ACSM6: variants seen among roughly 807,000 people sequenced by gnomAD.
The protein encoded by ACSM6 is acyl-coenzyme A synthetase ACSM6, mitochondrial.
Under a neutral mutation model 51.1 loss-of-function variants are expected in ACSM6, and 35 were observed. That is an observed-to-expected ratio of 0.69 (90% CI 0.52 to 0.91). ACSM6 has a LOEUF of 0.91. Among genes scored for constraint, ACSM6 ranks in the 40% least tolerant of loss-of-function variants. The pLI is 0.00. For missense variants in ACSM6, 509 were observed against 584.1 expected, an observed-to-expected ratio of 0.87 and a Z score of 1.32; for synonymous variants, 172 against 207.3, an observed-to-expected ratio of 0.83 and a Z score of 1.46.
chr10:95,228,901 TAAA>T, exon 11 of ACSM6: 1 of 1,097,884 alleles, frequency 9.1e-7, no homozygotes, highest in East Asian at 2.9e-5. Context: ...CAACCAAAAA[TAAA>T]AAAATAAAAC....
chr10:95,212,333 G>A (rs1189406957), intron 6 of ACSM6, among the ~76,000 whole-genome samples: 2 of 152,156 alleles, frequency 1.3e-5, no homozygotes, highest in East Asian at 3.8e-4. Context: ...TTACTTACTG[G>A]CACTTCATAT....
chr10:95,226,340 G>A (rs2035039256), intron 10 of ACSM6: 1 of 152,130 alleles, frequency 6.6e-6, no homozygotes, highest in Non-Finnish European at 1.5e-5. Context: ...AAGCTAAGAT[G>A]GACAGATCAC....
chr10:95,198,133 A>G (rs1367665750), intron 2 of ACSM6, among the ~76,000 whole-genome samples: 2 of 152,214 alleles, frequency 1.3e-5, no homozygotes, highest in Non-Finnish European at 2.9e-5. Context: ...AATTGTCTAA[A>G]GTACAGGTCT....
At chr10:95,199,711 C>T (rs942013317) in intron 2 of ACSM6, among the ~76,000 whole-genome samples, 1 of 152,164 alleles carries the variant, frequency 6.6e-6, no homozygotes, top group Non-Finnish European at 1.5e-5. Flanking sequence ...AGACACTTCT[C>T]AAAAGAAGAC....
chr10:95,217,576 T>G lies in ACSM6; in HGVS notation c.1120-2315T>G, dbSNP rs113366168. The stretch of plus-strand genomic sequence containing the variant: ...CATTTGTTTTATATATTACTACTGT[T>G]TTTATTAATTATACTAAGAAGGGAA... On this transcript the variant is annotated intron_variant, in intron 8 of 10. Transcript: ENST00000341686. 5.4e-3 allele frequency among the ~76,000 whole-genome samples: 827 copies of G among 152,300 alleles called. 7 individuals carry two copies. Among genetic ancestry groups the G allele is most frequent in the Non-Finnish European group, 7.3e-3 (495 of 68,038 alleles).
chr10:95,204,414 C>T (rs760470185), intron 3 of ACSM6, among the ~76,000 whole-genome samples: 11 of 151,980 alleles, frequency 7.2e-5, no homozygotes, highest in Non-Finnish European at 1.2e-4. Context: ...ATTAGCCAGA[C>T]GTGATGGTGG....
At chr10:95,202,929 G>C (rs1379000337) in intron 3 of ACSM6, among the ~76,000 whole-genome samples, 1 of 132,802 alleles carries the variant, frequency 7.5e-6, no homozygotes, top group Non-Finnish European at 1.6e-5. Context: ...ACAGAGCAAG[G>C]CTCTGTCTCA....
In ACSM6 at chr10:95,210,747, G is replaced by T. The variant is rs141505578; in HGVS notation, c.709G>T (p.Glu237Ter). Residue 237 changes from glutamate to a stop codon, truncating the protein, a stop_gained, in exon 5 of 11, where the codon GAG becomes TAG. Coordinates refer to ENST00000341686, the Ensembl canonical transcript of ACSM6. LOFTEE classifies it high-confidence loss of function. ...TACAACAGGAGCTCCCAAAATGGTC[G>T]AGTATTCCCAGTATGGTTTGGGAAT... 1.2e-6 allele frequency: 2 copies of T among 1,613,974 alleles called. No homozygotes were observed. Among genetic ancestry groups the T allele is most frequent in the South Asian group, 1.1e-5 (1 of 91,076 alleles).
chr10:95,201,394 G>T (rs2034792775), intron 2 of ACSM6: 1 of 436,876 alleles, frequency 2.3e-6, no homozygotes, highest in African/African-American at 2.0e-5. Context: ...ACTTATAAGT[G>T]AAAACAGGCA....
chr10:95,208,933 TAAAA>T (rs34370150), intron 4 of ACSM6, among the ~76,000 whole-genome samples: 664 of 33,910 alleles, frequency 0.02, 6 homozygotes, highest in African/African-American at 0.059. Context: ...CAGGGATGTT[TAAAA>T]AAAAAAAAAA....
chr10:95,207,625 C>A (rs2034853940), intron 4 of ACSM6, among the ~76,000 whole-genome samples: 1 of 152,000 alleles, frequency 6.6e-6, no homozygotes, highest in Non-Finnish European at 1.5e-5. Flanking sequence ...CAGAGTAACC[C>A]CCAACACAAG....
At chr10:95,197,272 A>G (rs1459695032) in intron 2 of ACSM6, among the ~76,000 whole-genome samples, 3 of 152,228 alleles carry the variant, frequency 2.0e-5, no homozygotes, top group Non-Finnish European at 4.4e-5. Context: ...GAATTAAGAC[A>G]CAGAGACAAA....
intron 2 of ACSM6, among the ~76,000 whole-genome samples, chr10:95,198,276 G>A (rs927711136): frequency 2.0e-5 from 3 of 152,092 alleles, no homozygotes; most frequent in Non-Finnish European, 4.4e-5. Flanking sequence ...TGATGTGATG[G>A]GCTGTGGCAA....
intron 2 of ACSM6, among the ~76,000 whole-genome samples, chr10:95,197,813 C>T: frequency 6.6e-6 from 1 of 152,220 alleles, no homozygotes; most frequent in South Asian, 2.1e-4. Context: ...TTTCTCATCC[C>T]ACGAGGCCAT....
At chr10:95,228,743 A>G in exon 11 of ACSM6, 1 of 1,551,762 alleles carries the variant, frequency 6.4e-7, no homozygotes, top group Non-Finnish European at 8.7e-7. Flanking sequence ...GTGGTCTGGT[A>G]GAGTTGATGA....
intron 10 of ACSM6, 166 bp from the exon 11 acceptor site, chr10:95,228,478 A>T: frequency 1.7e-6 from 1 of 591,834 alleles, no homozygotes; most frequent in Non-Finnish European, 2.6e-6. Context: ...GACCAAGGAA[A>T]GTTCTCCGTG....
intron 4 of ACSM6, among the ~76,000 whole-genome samples, chr10:95,209,448 A>G (rs1383125744): frequency 6.6e-6 from 1 of 152,078 alleles, no homozygotes; most frequent in African/African-American, 2.4e-5. Flanking sequence ...CAATTGTGAA[A>G]CTCCCTCAAC....
intron 4 of ACSM6, 110 bp from the exon 5 acceptor site, chr10:95,210,540 A>C (rs2034883417): frequency 1.7e-6 from 2 of 1,168,378 alleles, no homozygotes; most frequent in Non-Finnish European, 2.3e-6. Flanking sequence ...AAATATATCA[A>C]GATACCAGCT....
exon 3 of ACSM6, chr10:95,202,056 T>G (rs1469849565): frequency 6.4e-7 from 1 of 1,551,880 alleles, no homozygotes; most frequent in Admixed American, 2.0e-5. Context: ...AATGGAGCTT[T>G]GAAAGGATGA....
Sources: allele counts gnomAD v4.1 joint callset (sites outside exome capture counted in the v4.1 genomes callset), GRCh38; gene constraint gnomAD v4.1.1; transcripts MANE v1.5; gene names NCBI Gene and HGNC (gene_info 2026-07-23, HGNC 2026-07-21).